Variants in SLC25A26 observed in about 807,000 individuals in gnomAD.
SLC25A26 encodes solute carrier family 25 member 26.
In SLC25A26, 36 loss-of-function variants were observed where a neutral mutation model predicts 37.8. The observed-to-expected ratio is 0.95, with a 90% CI of 0.73 to 1.26. The LOEUF is 1.26. SLC25A26 is among the 50% of genes most tolerant of loss of function. The pLI, the probability that SLC25A26 is intolerant of heterozygous loss-of-function variation, is 0.00. For missense variants in SLC25A26, 390 were observed against 331.1 expected, an observed-to-expected ratio of 1.18 and a Z score of -1.38; for synonymous variants, 129 against 122.5, an observed-to-expected ratio of 1.05 and a Z score of -0.35.
chr3:66,206,894 CTTTTTTTTTT>C (rs1192766670), intron 1 of SLC25A26, among the ~76,000 whole-genome samples: 7 of 124,572 alleles, frequency 5.6e-5, no homozygotes, highest in South Asian at 2.7e-4. Context: ...TTCTTTCTTT[CTTTTTTTTTT>C]TTTTTTTTTT....
At chr3:66,327,614 A>C (rs1465309985) in intron 5 of SLC25A26, among the ~76,000 whole-genome samples, 3 of 151,364 alleles carry the variant, frequency 2.0e-5, no homozygotes, top group Non-Finnish European at 4.4e-5. Flanking sequence ...GGATTAATCC[A>C]AAAAGGATGA....
chr3:66,291,305 T>G (rs1351475812), intron 5 of SLC25A26, among the ~76,000 whole-genome samples: 1 of 152,078 alleles, frequency 6.6e-6, no homozygotes. Context: ...TTGTGTCTCT[T>G]TCTCCTTCAT....
intron 1 of SLC25A26, among the ~76,000 whole-genome samples, chr3:66,149,218 T>A (rs1224994365): frequency 6.6e-6 from 1 of 152,112 alleles, no homozygotes; most frequent in African/African-American, 2.4e-5. Context: ...TCAGGAACTG[T>A]CAGGATTATG....
intron 5 of SLC25A26, among the ~76,000 whole-genome samples, chr3:66,334,708 GTTC>G (rs980066700): frequency 6.6e-6 from 1 of 151,948 alleles, no homozygotes; most frequent in African/African-American, 2.4e-5. Context: ...AATATGATCT[GTTC>G]TTCTGGATTG....
In SLC25A26 at chr3:66,377,767, C is replaced by A; in HGVS notation, c.785C>A (p.Thr262Lys). The change falls in exon 10 of 10, where the codon ACG (threonine) becomes AAG (lysine). Residue 262 changes from threonine to lysine, a missense_variant. Physicochemically the swap from Thr to Lys is moderately conservative, Grantham distance 78. Coordinates refer to ENST00000354883, the MANE Select transcript of SLC25A26 (RefSeq NM_001379210.1). ...GFIFLGAYDR[T>K]HSLLLEVGRK... ...ATCTTTCTGGGGGCTTATGACCGAA[C>A]GCACAGCTTGCTGTTGGAAGTTGGC... is the stretch of plus-strand genomic sequence containing the variant. 6.2e-7 allele frequency: 1 copy of A among 1,613,908 alleles called. No homozygotes were observed. The highest frequency in any genetic ancestry group is 8.5e-7 in the Non-Finnish European group (1 of 1,179,860).
intron 6 of SLC25A26, among the ~76,000 whole-genome samples, chr3:66,359,951 C>T (rs571772944): frequency 2.0e-5 from 3 of 152,332 alleles, no homozygotes; most frequent in South Asian, 2.1e-4. Flanking sequence ...AATTAATACA[C>T]TTTCAGAGAA....
Position 66,258,044 on chromosome 3 carries a change from G to A in SLC25A26, c.301-4007G>A, listed in dbSNP as rs897833605. On this transcript the variant is annotated intron_variant, in intron 3 of 9. Transcript: ENST00000354883. ...CTTATGGAATGAAGAATATTTTTTG[G>A]AAGATTGGCAGACACTGTTGCCTTC... 2.0e-5 allele frequency among the ~76,000 whole-genome samples: 3 copies of A among 152,246 alleles called. No individual in the cohort carries two copies. In the East Asian group the frequency reaches 5.8e-4, roughly 29 times the overall value.
Position 66,292,390 on chromosome 3 carries a change from T to C in SLC25A26, c.453+29011T>C, listed in dbSNP as rs1576809564. Among the ~76,000 whole-genome samples the C allele has an allele frequency of 5.9e-5, 9 of 152,192 alleles. No homozygotes were observed. In the South Asian group the frequency reaches 1.9e-3, roughly 32 times the overall value. On this transcript the variant is annotated intron_variant, in intron 5 of 9. Coordinates refer to ENST00000354883, the MANE Select transcript of SLC25A26 (RefSeq NM_001379210.1). Reference sequence around the variant, plus strand: ...ATTAATTGATGCAGTTTCTTCGTAGTGTTGACGGTCTTTACAATTTGGTAT... The same window carrying C: ...ATTAATTGATGCAGTTTCTTCGTAGCGTTGACGGTCTTTACAATTTGGTAT...
intron 5 of SLC25A26, among the ~76,000 whole-genome samples, chr3:66,318,861 G>A (rs1048369829): frequency 5.3e-5 from 8 of 151,918 alleles, no homozygotes; most frequent in African/African-American, 1.9e-4. Context: ...TGTTGCCCAG[G>A]CTGGTGTCTA....
At chr3:66,375,730 AGT>A (rs1232632277) in intron 9 of SLC25A26, among the ~76,000 whole-genome samples, 1 of 152,128 alleles carries the variant, frequency 6.6e-6, no homozygotes, top group African/African-American at 2.4e-5. Flanking sequence ...GCTCATTGAC[AGT>A]GTACCTGGTC....
At chr3:66,365,840 C>G (rs906858012) in intron 7 of SLC25A26, among the ~76,000 whole-genome samples, 11 of 152,200 alleles carry the variant, frequency 7.2e-5, no homozygotes, top group African/African-American at 2.7e-4. Context: ...GTGCTCTTCT[C>G]CCTTCCAGAC....
At chr3:66,225,754 G>A (rs896328786) in intron 1 of SLC25A26, among the ~76,000 whole-genome samples, 4 of 151,956 alleles carry the variant, frequency 2.6e-5, no homozygotes, top group African/African-American at 9.7e-5. Context: ...TTCTTCTGTC[G>A]GATACTGTAA....
chr3:66,303,155 G>C (rs922583317), intron 5 of SLC25A26, among the ~76,000 whole-genome samples: 1 of 152,146 alleles, frequency 6.6e-6, no homozygotes, highest in Non-Finnish European at 1.5e-5. Context: ...CTTTAATACT[G>C]CTTTTAGTCT....
chr3:66,344,768 G>A (rs187116665), intron 5 of SLC25A26, among the ~76,000 whole-genome samples: 1 of 152,258 alleles, frequency 6.6e-6, no homozygotes, highest in East Asian at 1.9e-4. Flanking sequence ...ATATGACATG[G>A]GTGTCTTAAG....
chr3:66,198,315 T>C (rs1422193066), intron 1 of SLC25A26, among the ~76,000 whole-genome samples: 2 of 151,948 alleles, frequency 1.3e-5, no homozygotes, highest in African/African-American at 4.8e-5. Context: ...TCTGTTAACA[T>C]GACTCTTGCC....
intron 1 of SLC25A26, among the ~76,000 whole-genome samples, chr3:66,197,546 G>C (rs2071061490): frequency 6.6e-6 from 1 of 152,094 alleles, no homozygotes. Flanking sequence ...ATAAGGATGA[G>C]GATTGAAATA....
In SLC25A26 at chr3:66,171,230, G is replaced by C. The variant is rs180776067; in HGVS notation, c.-354+37246G>C. Among the ~76,000 whole-genome samples the C allele has an allele frequency of 1.2e-4, 18 of 152,302 alleles. No individual in the cohort carries two copies. The East Asian group carries it at 3.5e-3, about 29-fold the overall frequency. The stretch of plus-strand genomic sequence containing the variant: ...ATTTGTGGACCAGAATGTAGCATGG[G>C]TAAACTGAGATTGGAATGCAATGTT... On this transcript the variant is annotated intron_variant, in intron 1 of 10. Transcript: ENST00000676754.
intron 1 of SLC25A26, among the ~76,000 whole-genome samples, chr3:66,209,178 T>G (rs1347009204): frequency 6.1e-3 from 8 of 1,318 alleles, no homozygotes; most frequent in African/African-American, 6.5e-3. Context: ...TATATAAAGA[T>G]ATATATATAT....
At chr3:66,276,555 A>G (rs1451746763) in intron 5 of SLC25A26, among the ~76,000 whole-genome samples, 1 of 152,100 alleles carries the variant, frequency 6.6e-6, no homozygotes, top group African/African-American at 2.4e-5. Flanking sequence ...AACAGCCATT[A>G]ATATTGATTT....
Sources: gnomAD v4.1 joint callset for allele counts (sites outside exome capture counted in the v4.1 genomes callset) on GRCh38, gnomAD v4.1.1 for gene constraint, MANE v1.5 for transcripts, NCBI Gene and HGNC (gene_info 2026-07-23, HGNC 2026-07-21) for gene names.